PCDHAC1: variants seen among roughly 807,000 people sequenced by gnomAD.
PCDHAC1 encodes protocadherin alpha-C1.
In PCDHAC1, 42 loss-of-function variants were observed where a neutral mutation model predicts 60.0. The ratio of observed to expected loss-of-function variants is 0.70; its 90% CI spans 0.55 to 0.90. The LOEUF (loss-of-function observed/expected upper bound fraction) is 0.90. Ranked by LOEUF, PCDHAC1 falls within the 40% of genes least tolerant of loss-of-function variation. The pLI is 0.00. For synonymous variants in PCDHAC1, 468 were observed against 499.3 expected, an observed-to-expected ratio of 0.94 and a Z score of 0.84; for missense variants, 1,160 against 1,222.3, an observed-to-expected ratio of 0.95 and a Z score of 0.76.
chr5:140,950,279 C>G (rs938821559), intron 1 of PCDHAC1, among the ~76,000 whole-genome samples: 11 of 151,924 alleles, frequency 7.2e-5, no homozygotes, highest in African/African-American at 2.4e-4. Flanking sequence ...TGTCTTTTTG[C>G]TTCAACCTGA....
chr5:140,943,823 G>A (rs1431339857), intron 1 of PCDHAC1, among the ~76,000 whole-genome samples: 3 of 152,206 alleles, frequency 2.0e-5, no homozygotes, highest in African/African-American at 7.2e-5. Flanking sequence ...AAGAAAATGA[G>A]TTGATTGAAG....
chr5:140,955,492 A>G, intron 1 of PCDHAC1, among the ~76,000 whole-genome samples: 1 of 152,138 alleles, frequency 6.6e-6, no homozygotes, highest in East Asian at 1.9e-4. Context: ...TCCTGCCACC[A>G]TGTGAAGAAA....
In PCDHAC1 at chr5:140,927,755, C is replaced by T. The variant is rs1388061408; in HGVS notation, c.863C>T (p.Pro288Leu). 6.2e-7 allele frequency: 1 copy of T among 1,614,196 alleles called. No individual in the cohort carries two copies. Among genetic ancestry groups the T allele is most frequent in the South Asian group, 1.1e-5 (1 of 91,084 alleles). ...CTGCGACACCGCTTTCACGTGCACC[C>T]TAAAAGTGGGGAGGTGCAAGTAGCT... is the stretch of plus-strand genomic sequence containing the variant. ...AELRHRFHVH[P>L]KSGEVQVAAS... Residue 288 changes from proline (P) to leucine (L), a missense_variant, in exon 1 of 4, where the codon CCT becomes CTT. Pro to Leu is a moderately conservative substitution (Grantham distance 98). Transcript: ENST00000253807.
Position 140,927,454 on chromosome 5 carries a change from G to A in PCDHAC1, c.562G>A (p.Glu188Lys). The A allele has an allele frequency of 6.2e-7, 1 of 1,614,182 alleles. No individual in the cohort carries two copies. The highest frequency in any genetic ancestry group is 8.5e-7 in the Non-Finnish European group (1 of 1,180,040). The change falls in exon 1 of 4, where the codon GAG (glutamate) becomes AAG (lysine). Residue 188 changes from glutamate to lysine, a missense_variant. Glu to Lys is a moderately conservative substitution (Grantham distance 56). This residue lies in a region of PCDHAC1 where 1,113 missense variants were observed against 1,163.7 expected (regional missense o/e 0.96). Transcript: ENST00000253807. ...CAGCGAATACCCGGAGTTGGTGTTGGAGAAAGCACTGGATCGCGAACAGCG... is the reference window on the plus strand; with the variant it reads ...CAGCGAATACCCGGAGTTGGTGTTGAAGAAAGCACTGGATCGCGAACAGCG... ...DGSEYPELVL[E>K]KALDREQRAT...
intron 3 of PCDHAC1, among the ~76,000 whole-genome samples, chr5:141,006,275 G>C (rs782763386): frequency 6.6e-6 from 1 of 151,772 alleles, no homozygotes; most frequent in Non-Finnish European, 1.5e-5. Flanking sequence ...GCAGTGGCAC[G>C]ATCTCAGCTC....
chr5:140,960,575 A>G (rs990834964), intron 1 of PCDHAC1, among the ~76,000 whole-genome samples: 4 of 152,186 alleles, frequency 2.6e-5, no homozygotes, highest in Non-Finnish European at 2.9e-5. Flanking sequence ...AAACAGTTGG[A>G]AAACAGTTCA....
intron 2 of PCDHAC1, among the ~76,000 whole-genome samples, chr5:140,980,943 T>C (rs573281233): frequency 1.6e-4 from 25 of 152,172 alleles, no homozygotes; most frequent in Non-Finnish European, 3.1e-4. Context: ...CTGAGCTGGC[T>C]CCAGGATAGT....
intron 3 of PCDHAC1, among the ~76,000 whole-genome samples, chr5:140,985,932 G>A (rs1554247524): frequency 6.6e-6 from 1 of 151,798 alleles, no homozygotes; most frequent in African/African-American, 2.4e-5. Flanking sequence ...GTAGAGCCGG[G>A]GTTTCACTGT....
intron 1 of PCDHAC1, chr5:140,967,145 A>C: frequency 1.2e-6 from 2 of 1,610,892 alleles, no homozygotes; most frequent in Non-Finnish European, 8.5e-7. Context: ...GCTGGCGCAC[A>C]ACCCCGTGGC....
chr5:140,993,463 CACACA>C (rs1563592057), intron 3 of PCDHAC1, among the ~76,000 whole-genome samples: 16 of 7,580 alleles, frequency 2.1e-3, no homozygotes, highest in African/African-American at 9.9e-3. Flanking sequence ...CTTTCTTTCT[CACACA>C]CACACACACA....
intron 3 of PCDHAC1, among the ~76,000 whole-genome samples, chr5:140,989,263 A>G (rs2097334941): frequency 6.6e-6 from 1 of 152,146 alleles, no homozygotes; most frequent in South Asian, 2.1e-4. Flanking sequence ...GGGAGATTCA[A>G]GTTTCTGCTG....
At chr5:140,955,477 C>T (rs1401684156) in intron 1 of PCDHAC1, among the ~76,000 whole-genome samples, 2 of 152,128 alleles carry the variant, frequency 1.3e-5, no homozygotes, top group African/African-American at 4.8e-5. Context: ...CTTGGCACCT[C>T]TCCTTCCTGC....
intron 1 of PCDHAC1, among the ~76,000 whole-genome samples, chr5:140,931,879 T>A (rs1335268218): frequency 3.3e-5 from 5 of 151,966 alleles, no homozygotes; most frequent in Non-Finnish European, 7.4e-5. Flanking sequence ...TATTTATTGC[T>A]TTCATTTTAT....
At position 140,928,821 on chromosome 5, in the gene PCDHAC1, C is replaced by A. The variant is rs2085565750; in HGVS notation, c.1929C>A (p.Asp643Glu). ...RVVVVVRDHGDPPLSSSVTLG... is the reference protein window; with the variant it reads ...RVVVVVRDHGEPPLSSSVTLG... ...TGGTAGTGGTTCGGGACCATGGAGA[C>A]CCACCACTTTCCTCCTCTGTCACTC... Residue 643 changes from aspartate (D) to glutamate (E), a missense_variant, in exon 1 of 4, where the codon GAC (aspartate) becomes GAA (glutamate). Coordinates refer to ENST00000253807, the MANE Select transcript of PCDHAC1 (RefSeq NM_018898.5). The A allele has an allele frequency of 1.9e-6, 3 of 1,614,142 alleles. No individual in the cohort carries two copies. The highest frequency in any genetic ancestry group is 2.5e-6 in the Non-Finnish European group (3 of 1,180,042).
intron 1 of PCDHAC1, among the ~76,000 whole-genome samples, chr5:140,962,815 A>C (rs782313534): frequency 3.3e-5 from 5 of 152,242 alleles, no homozygotes; most frequent in Non-Finnish European, 7.3e-5. Flanking sequence ...AACATCAGAG[A>C]TGACCATTTG....
intron 3 of PCDHAC1, among the ~76,000 whole-genome samples, chr5:141,001,281 A>T (rs1239906088): frequency 6.6e-6 from 1 of 152,168 alleles, no homozygotes; most frequent in African/African-American, 2.4e-5. Context: ...TTTTTTACGG[A>T]TGAAAACTGA....
intron 1 of PCDHAC1, among the ~76,000 whole-genome samples, chr5:140,947,885 A>G (rs2094188913): frequency 6.6e-6 from 1 of 151,584 alleles, no homozygotes; most frequent in Non-Finnish European, 1.5e-5. Context: ...AGGACAATAT[A>G]AACAGAAGTG....
chr5:140,972,854 G>A (rs895738831), intron 1 of PCDHAC1, among the ~76,000 whole-genome samples: 4 of 151,946 alleles, frequency 2.6e-5, no homozygotes, highest in Non-Finnish European at 4.4e-5. Flanking sequence ...AGTAGAGATG[G>A]GGTTTCATCA....
At chr5:140,985,151 A>G (rs1335001570) in intron 3 of PCDHAC1, among the ~76,000 whole-genome samples, 3 of 152,092 alleles carry the variant, frequency 2.0e-5, no homozygotes, top group Admixed American at 2.0e-4. Flanking sequence ...GTTAGCCAGG[A>G]TTGTCTCAAT....
Sources: gnomAD v4.1 joint callset for allele counts (sites outside exome capture counted in the v4.1 genomes callset) on GRCh38, gnomAD v4.1.1 for gene constraint, gnomAD v4.1.1 regional missense constraint, MANE v1.5 for transcripts, NCBI Gene and HGNC (gene_info 2026-07-23, HGNC 2026-07-21) for gene names.